Variants in SEM1 observed in about 807,000 individuals in gnomAD.
SEM1 encodes the protein 26S proteasome complex subunit SEM1.
In SEM1, 3 loss-of-function variants were observed where a neutral mutation model predicts 12.7. The ratio of observed to expected loss-of-function variants is 0.24; its 90% CI spans 0.11 to 0.61. The LOEUF is 0.61. SEM1 is among the 20% of genes least tolerant of loss of function. The probability of loss-of-function intolerance (pLI) is 0.88; values close to 1 mark genes in which losing one functional copy is unlikely to be tolerated. For missense variants in SEM1, 59 were observed against 81.3 expected (o/e 0.73, Z 1.06); for synonymous variants, 30 against 27.8 (o/e 1.08, Z -0.25).
At chr7:96,684,031 A>G (rs986074527), downstream of SEM1, among the ~76,000 whole-genome samples, 10 of 152,106 alleles carry the variant, frequency 6.6e-5, no homozygotes, top group African/African-American at 2.4e-4. Flanking sequence ...ATAATTAAAA[A>G]AAATTAAAAA....
At chr7:96,496,440 C>G (rs1803264383), upstream of SEM1, 5 of 579,658 alleles carry the variant, frequency 8.6e-6, no homozygotes, top group East Asian at 1.4e-4. Context: ...TACTGCCCCC[C>G]CCAACAAATG....
At chr7:96,683,875 CAG>C (rs958577975), downstream of SEM1, among the ~76,000 whole-genome samples, 3 of 151,976 alleles carry the variant, frequency 2.0e-5, no homozygotes, top group Non-Finnish European at 4.4e-5. Context: ...TGGAGTCTGT[CAG>C]GGGGTGGCGG....
exon 4 of SEM1, chr7:96,483,789 A>G (rs1485227713): frequency 8.5e-6 from 13 of 1,525,810 alleles, no homozygotes; most frequent in Middle Eastern, 1.7e-4. Flanking sequence ...GATATCTGGT[A>G]TCAGCATGTT....
rs550925377 is a variant in SEM1, at chr7:96,532,890, G to A, written c.171-26192C>T. On this transcript the variant is annotated intron_variant and NMD_transcript_variant, in intron 2 of 3. Coordinates refer to the SEM1 transcript ENST00000466986. ...CTCCACAAAATTCAGGAGGATCAAA[G>A]CTGGCTGGAGGACTCTGTGGTATTG... Among the ~76,000 whole-genome samples the A allele has an allele frequency of 2.6e-5, 4 of 152,156 alleles. No homozygotes were observed. In the South Asian group the frequency reaches 6.2e-4, roughly 24 times the overall value.
chr7:96,676,865 T>C (rs1014729092), intron 2 of SEM1, among the ~76,000 whole-genome samples: 1 of 152,226 alleles, frequency 6.6e-6, no homozygotes, highest in Non-Finnish European at 1.5e-5. Flanking sequence ...CAGTTATGCT[T>C]CTTTTCCTTT....
intron 3 of SEM1, among the ~76,000 whole-genome samples, chr7:96,504,836 G>T (rs1166425278): frequency 6.6e-6 from 1 of 151,642 alleles, no homozygotes; most frequent in Non-Finnish European, 1.5e-5. Flanking sequence ...TTTAATCTAT[G>T]AATTCTCTCT....
chr7:96,650,472 C>G, intron 2 of SEM1: 1 of 753,790 alleles, frequency 1.3e-6, no homozygotes, highest in Non-Finnish European at 2.4e-6. Context: ...CAAGCCACTG[C>G]AGGAGACACA....
intron 2 of SEM1, chr7:96,656,569 C>T (rs1258951341): frequency 6.7e-6 from 1 of 149,682 alleles, no homozygotes; most frequent in Non-Finnish European, 1.5e-5. Flanking sequence ...CTTTAGTCCC[C>T]AGAGTCAGTT....
downstream of SEM1, among the ~76,000 whole-genome samples, chr7:96,684,574 A>G (rs1272838805): frequency 6.6e-6 from 1 of 152,160 alleles, no homozygotes; most frequent in Non-Finnish European, 1.5e-5. Context: ...TTTGAGGCAG[A>G]GTTGATAGGG....
rs1808558894 is a variant in SEM1 at position 96,640,491 on chromosome 7, A to G, written c.171-17848T>C. On this transcript the variant is annotated intron_variant, in intron 2 of 2. Transcript: ENST00000417009. This position sits in a 1 kb window ranked among gnomAD's most constrained non-coding sequence, Gnocchi z 4.0. ...CTCATCTGAAAATGCCACATACTGTATGATTCCAACTATATGACATTCTGG... is the reference window on the plus strand; with the variant it reads ...CTCATCTGAAAATGCCACATACTGTGTGATTCCAACTATATGACATTCTGG... Among the ~76,000 whole-genome samples the G allele has an allele frequency of 6.6e-6, 1 of 152,014 alleles. No homozygotes were observed. Among genetic ancestry groups the G allele is most frequent in the African/African-American group, 2.4e-5 (1 of 41,424 alleles).
chr7:96,603,366 G>A (rs1255802093), intron 2 of SEM1, among the ~76,000 whole-genome samples: 1 of 152,180 alleles, frequency 6.6e-6, no homozygotes, highest in Non-Finnish European at 1.5e-5. Context: ...TGCAGTCAAG[G>A]TTTATGATCG....
At chr7:96,612,209 T>C (rs145888947) in intron 2 of SEM1, among the ~76,000 whole-genome samples, 141 of 152,332 alleles carry the variant, frequency 9.3e-4, no homozygotes, top group African/African-American at 3.2e-3. Flanking sequence ...GAGCAATTAA[T>C]AGGCCTGCCC....
intron 2 of SEM1, among the ~76,000 whole-genome samples, chr7:96,535,380 A>ATATGT (rs1178458266): frequency 1.3e-5 from 2 of 151,936 alleles, no homozygotes; most frequent in African/African-American, 4.8e-5. Context: ...ATATGTATTT[A>ATATGT]ATGCTATAAA....
chr7:96,631,299 T>C lies in SEM1; in HGVS notation c.171-8656A>G, dbSNP rs147635455. 1.3e-3 allele frequency among the ~76,000 whole-genome samples: 200 copies of C among 152,292 alleles called. 1 individual carries two copies. Among genetic ancestry groups the C allele is most frequent in the African/African-American group, 4.6e-3 (192 of 41,548 alleles). On this transcript the variant is annotated intron_variant, in intron 2 of 2. Coordinates refer to the SEM1 transcript ENST00000417009. ...TGCGGGGAACTCAAGTTTAGACTGC[T>C]GGGGGTCAGTGATTCCCCTCTGTTT...
chr7:96,694,823 C>T lies in SEM1; in HGVS notation c.145G>A (p.Glu49Lys), dbSNP rs934269110. 1.2e-6 allele frequency: 2 copies of T among 1,610,250 alleles called. No individual in the cohort carries two copies. The highest frequency in any genetic ancestry group is 1.7e-6 in the Non-Finnish European group (2 of 1,177,010). Residue 49 changes from glutamate to lysine, a missense_variant, in exon 2 of 3, where the codon GAG becomes AAG. Coordinates refer to ENST00000248566, the MANE Select transcript of SEM1 (RefSeq NM_006304.2). ...WEDNWDDDNV[E>K]DDFSNQLRAE... ...CGTAACTGATTAGAGAAGTCATCCT[C>T]TACATTGTCATCATCCCAATTATCC...
chr7:96,686,987 A>G (rs1378702031), downstream of SEM1, among the ~76,000 whole-genome samples: 1 of 152,228 alleles, frequency 6.6e-6, no homozygotes, highest in Non-Finnish European at 1.5e-5. Context: ...ATATGAACAG[A>G]CACTTCTCAA....
intron 2 of SEM1, among the ~76,000 whole-genome samples, chr7:96,574,388 A>G (rs1297314583): frequency 1.2e-5 from 1 of 86,166 alleles, no homozygotes. Context: ...TAGTGCCGCA[A>G]TAAACATACG....
chr7:96,553,970 G>T (rs1349751840), intron 2 of SEM1, among the ~76,000 whole-genome samples: 3 of 151,644 alleles, frequency 2.0e-5, no homozygotes, highest in African/African-American at 7.3e-5. Context: ...GTGAATGGGA[G>T]TTCACTCATG....
intron 2 of SEM1, among the ~76,000 whole-genome samples, chr7:96,614,514 T>G (rs1374379559): frequency 6.6e-6 from 1 of 152,246 alleles, no homozygotes; most frequent in Non-Finnish European, 1.5e-5. Flanking sequence ...CTGAATGTTC[T>G]GATTGACTTT....
Sources: allele counts gnomAD v4.1 joint callset (sites outside exome capture counted in the v4.1 genomes callset), GRCh38; gene constraint gnomAD v4.1.1; non-coding constraint Gnocchi (gnomAD v3.1); transcripts MANE v1.5; gene names NCBI Gene and HGNC (gene_info 2026-07-23, HGNC 2026-07-21).